SMAD9: variants seen among roughly 807,000 people sequenced by gnomAD.
SMAD9 encodes the protein SMAD family member 9, also known as MAD homolog 9.
SMAD9 carries 36 observed loss-of-function variants against 46.1 expected under a neutral mutation model. The ratio of observed to expected loss-of-function variants is 0.78; its 90% confidence interval spans 0.60 to 1.03. The LOEUF (loss-of-function observed/expected upper bound fraction) is 1.03. Among genes scored for constraint, SMAD9 ranks in the 50% least tolerant of loss-of-function variants. The pLI, the probability that SMAD9 is intolerant of heterozygous loss-of-function variation, is 0.00. For synonymous variants in SMAD9, 245 were observed against 237.1 expected (o/e 1.03, Z -0.31); for missense variants, 572 against 599.8 (o/e 0.95, Z 0.48).
At chr13:36,862,589 T>G (rs759914353) in intron 5 of SMAD9, among the ~76,000 whole-genome samples, 1 of 152,216 alleles carries the variant, frequency 6.6e-6, no homozygotes, top group Non-Finnish European at 1.5e-5. Context: ...GTCCACCCTT[T>G]GTTTAGCATA....
chr13:36,871,290 G>A (rs150559154), intron 3 of SMAD9, among the ~76,000 whole-genome samples: 5 of 152,254 alleles, frequency 3.3e-5, no homozygotes, highest in African/African-American at 1.2e-4. Context: ...GGCCGAGGTG[G>A]GCAGATCACC....
At chr13:36,879,982 G>C (rs369631042) in intron 1 of SMAD9, 107 bp from the exon 2 acceptor site, 3 of 436,816 alleles carry the variant, frequency 6.9e-6, no homozygotes, top group Non-Finnish European at 4.2e-6. Flanking sequence ...AGCTACTCAA[G>C]TGGGTGAATG....
At chr13:36,879,164 C>T (rs2138491199) in intron 2 of SMAD9, 114 bp downstream of exon 2, 3 of 766,124 alleles carry the variant, frequency 3.9e-6, no homozygotes, top group Middle Eastern at 2.7e-4. Flanking sequence ...CTCCTCTCTT[C>T]TCTCTCTCTC....
chr13:36,911,615 T>TGGGGG (rs11322701), intron 1 of SMAD9, among the ~76,000 whole-genome samples: 6 of 84,330 alleles, frequency 7.1e-5, no homozygotes, highest in Non-Finnish European at 5.6e-5. Flanking sequence ...AAAGGCTGCC[T>TGGGGG]GGGGGGGGGG....
intron 1 of SMAD9, among the ~76,000 whole-genome samples, chr13:36,899,045 A>G (rs1232415032): frequency 6.6e-6 from 1 of 152,154 alleles, no homozygotes; most frequent in Non-Finnish European, 1.5e-5. Context: ...AAAAATTGAA[A>G]AAACTGTTGA....
intron 1 of SMAD9, among the ~76,000 whole-genome samples, chr13:36,887,763 A>G (rs1045849607): frequency 1.9e-4 from 29 of 152,326 alleles, no homozygotes; most frequent in African/African-American, 7.0e-4. Flanking sequence ...GGCAAAAGAT[A>G]GAAGTGGGAC....
At chr13:36,886,386 C>T (rs2058444946) in intron 1 of SMAD9, among the ~76,000 whole-genome samples, 1 of 152,212 alleles carries the variant, frequency 6.6e-6, no homozygotes, top group African/African-American at 2.4e-5. Flanking sequence ...GGAGATGGAG[C>T]CCAAATGGCG....
At chr13:36,865,808 G>T in intron 4 of SMAD9, 50 bp from the exon 5 acceptor site, 1 of 1,468,142 alleles carries the variant, frequency 6.8e-7, no homozygotes, top group Non-Finnish European at 9.5e-7. Flanking sequence ...TACCTGGGCT[G>T]TGTAGTTCAT....
intron 5 of SMAD9, among the ~76,000 whole-genome samples, chr13:36,863,009 C>T (rs2058197941): frequency 6.6e-6 from 1 of 152,200 alleles, no homozygotes; most frequent in Non-Finnish European, 1.5e-5. Flanking sequence ...AGAGGCGATG[C>T]TCAGTAAGTA....
At chr13:36,887,556 C>A (rs1404674820) in intron 1 of SMAD9, among the ~76,000 whole-genome samples, 1 of 151,882 alleles carries the variant, frequency 6.6e-6, no homozygotes, top group African/African-American at 2.4e-5. Flanking sequence ...GTCCTAGCTG[C>A]TTATATGGAG....
intron 1 of SMAD9, among the ~76,000 whole-genome samples, chr13:36,887,946 A>C (rs1203575812): frequency 1.3e-5 from 2 of 152,146 alleles, no homozygotes; most frequent in Non-Finnish European, 2.9e-5. Context: ...AAGTAGCCAC[A>C]GTGTGGGGAA....
Position 36,879,370 on chromosome 13 carries a change from A to C in SMAD9, c.320T>G (p.Leu107Arg). The C allele has an allele frequency of 1.9e-6, 3 of 1,614,172 alleles. No homozygotes were observed. Among genetic ancestry groups the C allele is most frequent in the Non-Finnish European group, 2.5e-6 (3 of 1,180,040 alleles). ...GAACTCACAGCACTCCAGCGGCTTCAGCTCGTGGTGGGACTGCAGATCCGG... is the reference window on the plus strand; with the variant it reads ...GAACTCACAGCACTCCAGCGGCTTCCGCTCGTGGTGGGACTGCAGATCCGG... ...RWPDLQSHHE[L>R]KPLECCEFPF... The change falls in exon 2 of 7, where the codon CTG becomes CGG. Residue 107 changes from leucine to arginine, a missense_variant. By Grantham distance (102) the Leu-to-Arg change is moderately radical (BLOSUM62 -2). Coordinates refer to ENST00000379826, the MANE Select transcript of SMAD9 (RefSeq NM_001127217.3).
chr13:36,895,748 T>G (rs1430620383), intron 1 of SMAD9, among the ~76,000 whole-genome samples: 1 of 152,198 alleles, frequency 6.6e-6, no homozygotes, highest in Non-Finnish European at 1.5e-5. Flanking sequence ...CATAGGAAAT[T>G]CAGTGCTTTT....
intron 5 of SMAD9, among the ~76,000 whole-genome samples, chr13:36,858,207 A>T (rs2058145337): frequency 6.7e-6 from 1 of 149,106 alleles, no homozygotes; most frequent in Non-Finnish European, 1.5e-5. Flanking sequence ...AATGGGTGGT[A>T]AAAAAAAATA....
At chr13:36,915,034 G>A (rs1394267662) in intron 1 of SMAD9, among the ~76,000 whole-genome samples, 1 of 152,152 alleles carries the variant, frequency 6.6e-6, no homozygotes, top group Non-Finnish European at 1.5e-5. Flanking sequence ...TAAAAAACAG[G>A]CTGTATGGAA....
chr13:36,852,254 G>A lies in SMAD9; in HGVS notation c.1260+1165C>T, dbSNP rs995391018. On this transcript the variant is annotated intron_variant, in intron 6 of 6. Transcript: ENST00000379826. ...AATTATTTGTCATGGTAATTTTAAA[G>A]TGCTAATAAAATTTACTTTGAAAAA... 2.2e-5 allele frequency: 21 copies of A among 936,666 alleles called. No homozygotes were observed. In the African/African-American group the frequency reaches 3.2e-4, roughly 14 times the overall value. The allele number at this position is 936,666 out of a possible 1,614,324, so 58.0% of individuals were successfully genotyped here.
chr13:36,871,517 C>CAAAAAAA (rs1555240098), intron 3 of SMAD9, among the ~76,000 whole-genome samples: 1 of 148,554 alleles, frequency 6.7e-6, no homozygotes, highest in African/African-American at 2.5e-5. Flanking sequence ...GACTCCGTCT[C>CAAAAAAA]AAAATAAAAA....
At position 36,920,187 on chromosome 13, in the gene SMAD9, A is replaced by AGCGGCGGCGGCGGCGGCG. The variant is rs770040180; in HGVS notation, c.-276_-259dup. On this transcript the variant is annotated 5_prime_UTR_variant, in exon 1 of 7. Transcript: ENST00000379826. ...CGGGGACCGAGACAGCGGCTGCAGC[A>AGCGGCGGCGGCGGCGGCG]GCGGCGGCGGCGGCGGCGGCGGCGG... 15 of 143,946 alleles carry AGCGGCGGCGGCGGCGGCG rather than the reference A, an allele frequency of 1.0e-4. No individual in the cohort carries two copies. The highest frequency in any genetic ancestry group is 4.2e-4 in the African/African-American group (14 of 33,610). The allele number at this position is 143,946 out of a possible 1,614,324, so 8.9% of individuals were successfully genotyped here.
At chr13:36,870,620 C>CCTA (rs2058282251) in intron 3 of SMAD9, among the ~76,000 whole-genome samples, 1 of 146,104 alleles carries the variant, frequency 6.8e-6, no homozygotes, top group African/African-American at 2.7e-5. Context: ...CCACAGTAGT[C>CCTA]CCCCCTTCTC....
Sources: allele counts gnomAD v4.1 joint callset (sites outside exome capture counted in the v4.1 genomes callset), GRCh38; gene constraint gnomAD v4.1.1; transcripts MANE v1.5; gene names NCBI Gene and HGNC (gene_info 2026-07-23, HGNC 2026-07-21).